The following MFHAS1 variants were observed in gnomAD, a reference collection of about 807,000 sequenced individuals.
MFHAS1 encodes the protein multifunctional ROCO family signaling regulator 1.
In MFHAS1, 50 loss-of-function variants were observed where a neutral mutation model predicts 70.4. That is an observed-to-expected ratio of 0.71 (90% CI 0.57 to 0.90). MFHAS1 has a LOEUF of 0.90. Among genes scored for constraint, MFHAS1 ranks in the 40% least tolerant of loss-of-function variants. The pLI is 0.00. For missense variants in MFHAS1, 1,795 were observed against 1,347.6 expected, an observed-to-expected ratio of 1.33 and a Z score of -5.20; for synonymous variants, 952 against 620.0, an observed-to-expected ratio of 1.54 and a Z score of -7.96.
chr8:8,793,110 C>T (rs765346587), intron 2 of MFHAS1, among the ~76,000 whole-genome samples: 2 of 152,002 alleles, frequency 1.3e-5, no homozygotes, highest in Non-Finnish European at 2.9e-5. Flanking sequence ...CCCAATGAAA[C>T]GCTGGTGGAG....
intron 2 of MFHAS1, among the ~76,000 whole-genome samples, chr8:8,795,555 G>T (rs1296825548): frequency 6.6e-6 from 1 of 152,186 alleles, no homozygotes; most frequent in African/African-American, 2.4e-5. Flanking sequence ...GTTTCCCTTG[G>T]GTGTTCGGTG....
In MFHAS1 at chr8:8,893,166, C is replaced by G. The variant is rs1810166050; in HGVS notation, c.-108G>C. ...CTGCCCCTGCCTGCCCTCCCGCGCTCGGCGGCCGGCGGCCGCGGGTCCTAG... is the reference window on the plus strand; with the variant it reads ...CTGCCCCTGCCTGCCCTCCCGCGCTGGGCGGCCGGCGGCCGCGGGTCCTAG... On this transcript the variant is annotated 5_prime_UTR_variant, in exon 1 of 3. Transcript: ENST00000276282. 3.3e-6 allele frequency: 2 copies of G among 613,398 alleles called. No individual in the cohort carries two copies. The highest frequency in any genetic ancestry group is 8.6e-5 in the East Asian group (2 of 23,324). The allele number at this position is 613,398 out of a possible 1,614,324, so 38.0% of individuals were successfully genotyped here. A position where few individuals can be genotyped will look rare whatever the true frequency, so the allele number is the denominator to read the frequency against.
At chr8:8,787,302 G>C (rs1045449353) in intron 2 of MFHAS1, among the ~76,000 whole-genome samples, 4 of 152,084 alleles carry the variant, frequency 2.6e-5, no homozygotes, top group African/African-American at 9.7e-5. Flanking sequence ...GGATGATCTT[G>C]ATCTCCTGAC....
At chr8:8,798,723 G>A (rs959230859) in intron 1 of MFHAS1, among the ~76,000 whole-genome samples, 4 of 152,094 alleles carry the variant, frequency 2.6e-5, no homozygotes, top group African/African-American at 9.7e-5. Context: ...TCAACTCTCT[G>A]CACCAACCAC....
At chr8:8,821,697 T>G (rs904899178) in intron 1 of MFHAS1, 1 of 152,216 alleles carries the variant, frequency 6.6e-6, no homozygotes, top group East Asian at 1.9e-4. Context: ...TGCAAAGATG[T>G]TAGCAGATAC....
chr8:8,855,098 C>T lies in MFHAS1; in HGVS notation c.2998+34963G>A, dbSNP rs547607100. On this transcript the variant is annotated intron_variant, in intron 1 of 2. Transcript: ENST00000276282. ...ATATGGGGGGTTTGGTTCTAGGGCC[C>T]CCACCCCCAGCATACCAAAATTATT... Among the ~76,000 whole-genome samples the T allele has an allele frequency of 3.8e-4, 58 of 152,122 alleles. 1 individual carries two copies. The highest frequency in any genetic ancestry group is 2.9e-4 in the Non-Finnish European group (20 of 67,986).
At position 8,891,902 on chromosome 8, in the gene MFHAS1, A is replaced by G. The variant is rs771754328; in HGVS notation, c.1157T>C (p.Met386Thr). The part of the protein sequence containing the change: ...PLIQPPYEVC[M>T]KGIPYIAAYQ... ...GGCTGCGATGTAGGGGATCCCCTTC[A>G]TGCAGACCTCGTAGGGGGGCTGGAT... is the stretch of plus-strand genomic sequence containing the variant. Residue 386 changes from methionine (M) to threonine (T), a missense_variant, in exon 1 of 3, where the codon ATG becomes ACG. Transcript: ENST00000276282. The surrounding 1 kb of genome is among the most constrained non-coding windows in gnomAD (Gnocchi z 5.4). 1 of 1,611,038 alleles carries G rather than the reference A, an allele frequency of 6.2e-7. No individual in the cohort carries two copies.
intron 2 of MFHAS1, among the ~76,000 whole-genome samples, chr8:8,789,298 T>G (rs1009210863): frequency 6.6e-6 from 1 of 152,194 alleles, no homozygotes; most frequent in African/African-American, 2.4e-5. Flanking sequence ...GACTCCTAGC[T>G]TGGAGCCGAT....
intron 1 of MFHAS1, among the ~76,000 whole-genome samples, chr8:8,848,608 G>C (rs1007177628): frequency 7.4e-6 from 1 of 134,836 alleles, no homozygotes; most frequent in Admixed American, 8.4e-5. Flanking sequence ...TAACGGAGCT[G>C]GGCAGTTATT....
At chr8:8,815,450 C>T (rs952171991) in intron 1 of MFHAS1, among the ~76,000 whole-genome samples, 1 of 152,142 alleles carries the variant, frequency 6.6e-6, no homozygotes, top group African/African-American at 2.4e-5. Context: ...ACACTGTCTT[C>T]CACAATGGTT....
Position 8,784,921 on chromosome 8 carries a change from G to A in MFHAS1, c.*1101C>T, listed in dbSNP as rs1167137054. On this transcript the variant is annotated 3_prime_UTR_variant, in exon 3 of 3. Transcript: ENST00000276282. ...CTTGGCAGGAGACCGTCCAATCAGA[G>A]GCTCTGTATTTATAAATAACCCGTG... The A allele has an allele frequency of 1.3e-5, 2 of 152,142 alleles. No individual in the cohort carries two copies. The highest frequency in any genetic ancestry group is 1.9e-4 in the East Asian group (1 of 5,202). 9.4% of individuals were successfully genotyped at this position (152,142 alleles called of 1,614,324 possible).
chr8:8,838,198 G>A (rs1321992682), intron 1 of MFHAS1, among the ~76,000 whole-genome samples: 1 of 152,172 alleles, frequency 6.6e-6, no homozygotes, highest in African/African-American at 2.4e-5. Flanking sequence ...CTCTAGACAA[G>A]GCAGATCTAA....
In MFHAS1 at chr8:8,825,118, T is replaced by G. The variant is rs192416350; in HGVS notation, c.2999-27627A>C. Among the ~76,000 whole-genome samples the G allele has an allele frequency of 2.3e-4, 35 of 152,348 alleles. No individual in the cohort carries two copies. The East Asian group carries it at 4.4e-3, about 19-fold the overall frequency. ...AAAGGGACAGAAGACTGCATCAGCT[T>G]GCTAAGGCTATCATAACACAGGACT... On this transcript the variant is annotated intron_variant, in intron 1 of 2. Coordinates refer to ENST00000276282, the MANE Select transcript of MFHAS1 (RefSeq NM_004225.3).
chr8:8,833,623 T>C (rs993522511), intron 1 of MFHAS1, among the ~76,000 whole-genome samples: 1 of 152,082 alleles, frequency 6.6e-6, no homozygotes, highest in Non-Finnish European at 1.5e-5. Context: ...AACAAGACCC[T>C]GTCTTTAAGA....
Position 8,861,619 on chromosome 8 carries a change from A to C in MFHAS1, c.2998+28442T>G, listed in dbSNP as rs184531276. Among the ~76,000 whole-genome samples the C allele has an allele frequency of 3.9e-4, 60 of 152,374 alleles. No individual in the cohort carries two copies. The East Asian group carries it at 0.011, about 28-fold the overall frequency. On this transcript the variant is annotated intron_variant, in intron 1 of 2. Coordinates refer to ENST00000276282, the MANE Select transcript of MFHAS1 (RefSeq NM_004225.3). ...ACGTGTAATAAAATTCACCAATTTT[A>C]AACGTAGAACTTGATGCATTTTGAC...
intron 1 of MFHAS1, among the ~76,000 whole-genome samples, chr8:8,799,636 A>G (rs774428212): frequency 1.2e-4 from 19 of 152,106 alleles, no homozygotes; most frequent in Non-Finnish European, 2.1e-4. Context: ...GGCACCTGTA[A>G]TCTCAGGTAT....
Position 8,852,299 on chromosome 8 carries a change from C to A in MFHAS1, c.2998+37762G>T, listed in dbSNP as rs527437002. ...GACCAGCCTGTGCAACATGGTGAAA[C>A]CTCATCTCTACTAAAAATACAAAAA... On this transcript the variant is annotated intron_variant, in intron 1 of 2. Coordinates refer to ENST00000276282, the MANE Select transcript of MFHAS1 (RefSeq NM_004225.3). Among the ~76,000 whole-genome samples, 28 of 152,266 alleles carry A rather than the reference C, an allele frequency of 1.8e-4. No homozygotes were observed. In the South Asian group the frequency reaches 5.8e-3, roughly 32 times the overall value.
chr8:8,868,530 G>C (rs1808948793), intron 1 of MFHAS1, among the ~76,000 whole-genome samples: 3 of 151,672 alleles, frequency 2.0e-5, no homozygotes, highest in African/African-American at 7.3e-5. Flanking sequence ...ATGCACAGTA[G>C]GCCTGGGCTC....
At position 8,893,416 on chromosome 8, in the gene MFHAS1, C is replaced by A. The variant is rs1469291945; in HGVS notation, c.-358G>T. ...GGCCCGGCTCCGGCCCCGCTACCCT[C>A]GCAGCCGCGGTCCCGCGGCCGGCAG... On this transcript the variant is annotated 5_prime_UTR_variant, in exon 1 of 3. Coordinates refer to ENST00000276282, the MANE Select transcript of MFHAS1 (RefSeq NM_004225.3). 2.1e-5 allele frequency: 3 copies of A among 145,662 alleles called. No individual in the cohort carries two copies. The highest frequency in any genetic ancestry group is 4.6e-5 in the Non-Finnish European group (3 of 65,498). The allele number at this position is 145,662 out of a possible 1,614,324, so 9.0% of individuals were successfully genotyped here.
Sources: allele counts gnomAD v4.1 joint callset (sites outside exome capture counted in the v4.1 genomes callset), GRCh38; gene constraint gnomAD v4.1.1; non-coding constraint Gnocchi (gnomAD v3.1); transcripts MANE v1.5; gene names NCBI Gene and HGNC (gene_info 2026-07-23, HGNC 2026-07-21).